The following ZC3H11A variants were observed in gnomAD, a reference collection of about 807,000 sequenced individuals.
The protein encoded by ZC3H11A is zinc finger CCCH domain-containing protein 11A.
A neutral mutation model predicts 90.8 loss-of-function variants in ZC3H11A; 22 were observed. That is an observed-to-expected ratio of 0.24 (90% CI 0.17 to 0.35). The LOEUF is 0.35. ZC3H11A is among the 10% of genes least tolerant of loss of function. The probability of loss-of-function intolerance (pLI) is 1.00; values close to 1 mark genes in which losing one functional copy is unlikely to be tolerated. For synonymous variants in ZC3H11A, 294 were observed against 339.8 expected (o/e 0.87, Z 1.48); for missense variants, 701 against 964.9 (o/e 0.73, Z 3.62).
intron 12 of ZC3H11A, among the ~76,000 whole-genome samples, chr1:203,843,830 A>G (rs1687143237): frequency 6.7e-6 from 1 of 148,234 alleles, no homozygotes; most frequent in South Asian, 2.2e-4. Context: ...TTGTTCTCTT[A>G]TTTTTTTTTC....
At position 203,801,875 on chromosome 1, in the gene ZC3H11A, A is replaced by G. The variant is rs1376081120; in HGVS notation, c.-1287A>G. 6.7e-6 allele frequency: 1 copy of G among 148,998 alleles called. No homozygotes were observed. Among genetic ancestry groups the G allele is most frequent in the Non-Finnish European group, 1.5e-5 (1 of 66,086 alleles). 9.2% of individuals were successfully genotyped at this position (148,998 alleles called of 1,614,324 possible). ...TATGCCATTGTGAAATGAAATCTCA[A>G]CTCCAAAAGTTTACCCTTTTACTAA... On this transcript the variant is annotated 5_prime_UTR_variant, in exon 2 of 18. Transcript: ENST00000367210.
intron 13 of ZC3H11A, 32 bp downstream of exon 13, chr1:203,847,719 T>G: frequency 6.3e-7 from 1 of 1,596,254 alleles, no homozygotes; most frequent in South Asian, 1.1e-5. Flanking sequence ...TAGTACCACG[T>G]CCCCACATAA....
chr1:203,818,815 G>A (rs1572069613), intron 4 of ZC3H11A, 126 bp downstream of exon 4: 1 of 1,423,852 alleles, frequency 7.0e-7, no homozygotes, highest in Non-Finnish European at 9.4e-7. Flanking sequence ...CATGCCTGTA[G>A]TTCCAGCACT....
chr1:203,816,674 C>CT (rs1467965221), intron 2 of ZC3H11A, among the ~76,000 whole-genome samples: 1 of 151,706 alleles, frequency 6.6e-6, no homozygotes, highest in Admixed American at 6.6e-5. Flanking sequence ...GTTAACAATG[C>CT]TTATTTACAA....
chr1:203,848,442 GCAAA>G (rs1558145610), intron 14 of ZC3H11A, 35 bp downstream of exon 14: 2 of 1,509,668 alleles, frequency 1.3e-6, no homozygotes, highest in East Asian at 2.3e-5. Flanking sequence ...TTTGTTCATG[GCAAA>G]CAAAGGCTAG....
chr1:203,829,209 G>C (rs1306599091), intron 5 of ZC3H11A: 3 of 554,758 alleles, frequency 5.4e-6, no homozygotes, highest in Middle Eastern at 4.6e-4. Context: ...GCTTCTTCTA[G>C]TCTTCTGTTG....
At chr1:203,842,424 C>T (rs1242497838) in intron 12 of ZC3H11A, among the ~76,000 whole-genome samples, 1 of 152,168 alleles carries the variant, frequency 6.6e-6, no homozygotes, top group Non-Finnish European at 1.5e-5. Context: ...CGGCGAAACC[C>T]CGTCTCCACC....
intron 8 of ZC3H11A, 24 bp downstream of exon 8, chr1:203,830,227 G>A: frequency 6.4e-7 from 1 of 1,556,192 alleles, no homozygotes; most frequent in Non-Finnish European, 8.7e-7. Flanking sequence ...TTTTGGCATG[G>A]ATAGTTGTAT....
At chr1:203,850,829 C>T (rs2103461198) in intron 16 of ZC3H11A, 148 bp downstream of exon 16, 2 of 1,249,122 alleles carry the variant, frequency 1.6e-6, no homozygotes, top group South Asian at 3.0e-5. Flanking sequence ...GTATTTTATA[C>T]TTACAGTTTG....
intron 17 of ZC3H11A, among the ~76,000 whole-genome samples, chr1:203,851,702 C>CA (rs77515958): frequency 0.06 from 9,135 of 152,020 alleles, 809 homozygotes; most frequent in East Asian, 0.4. Context: ...GCGGCTTATG[C>CA]CTGTAATCCC....
intron 1 of ZC3H11A, chr1:203,796,742 A>G (rs751004943): frequency 6.2e-6 from 2 of 323,102 alleles, no homozygotes; most frequent in African/African-American, 2.1e-5. Flanking sequence ...TCTCAAGTCT[A>G]AAAATATCTG....
rs968007472 is a variant in ZC3H11A at position 203,828,193 on chromosome 1, C to G, written c.175-106C>G. On this transcript the variant is annotated intron_variant, in intron 4 of 17. Transcript: ENST00000367210. ...TCTAAAAATCATCTCATCTCACATG[C>G]CTCGGATTTTTGAACCCTGTATGAA... is the stretch of plus-strand genomic sequence containing the variant. 3.0e-6 allele frequency: 4 copies of G among 1,331,696 alleles called. No individual in the cohort carries two copies. In the African/African-American group the frequency reaches 5.9e-5, roughly 20 times the overall value. The allele number at this position is 1,331,696 out of a possible 1,614,324, so 82.5% of individuals were successfully genotyped here.
intron 10 of ZC3H11A, among the ~76,000 whole-genome samples, chr1:203,837,479 G>A (rs930635614): frequency 3.3e-5 from 5 of 150,082 alleles, no homozygotes; most frequent in African/African-American, 1.2e-4. Context: ...TTGAGAATGG[G>A]GCCTTGCTGT....
chr1:203,852,699 C>T lies in ZC3H11A; in HGVS notation c.*300C>T, dbSNP rs367949787. The T allele has an allele frequency of 1.5e-3, 594 of 394,886 alleles. 1 individual carries two copies. The highest frequency in any genetic ancestry group is 2.1e-3 in the Non-Finnish European group (463 of 216,342). The allele number at this position is 394,886 out of a possible 1,614,324, so 24.5% of individuals were successfully genotyped here. ...GGGAGATCAAGTGAAAGGGTGCAAG[C>T]GAACTTAGTGACTCCTTGAGGTGTT... On this transcript the variant is annotated 3_prime_UTR_variant, in exon 18 of 18. Transcript: ENST00000367210.
chr1:203,843,157 TC>T (rs1686947765), intron 12 of ZC3H11A, among the ~76,000 whole-genome samples: 1 of 152,172 alleles, frequency 6.6e-6, no homozygotes, highest in African/African-American at 2.4e-5. Flanking sequence ...GTTTTATCTC[TC>T]CCTAGTATGC....
Position 203,833,868 on chromosome 1 carries a change from G to T in ZC3H11A, c.874+15G>T. ...ATTTTCAGCAGGTAAGATAAGTTTT[G>T]TGTATATCTTTTCTTTTCTACTTGT... On this transcript the variant is annotated intron_variant, in intron 10 of 17. Coordinates refer to ENST00000367210, the MANE Select transcript of ZC3H11A (RefSeq NM_001376342.1). 5.0e-6 allele frequency: 8 copies of T among 1,599,974 alleles called. No homozygotes were observed. Among genetic ancestry groups the T allele is most frequent in the Non-Finnish European group, 6.8e-6 (8 of 1,173,528 alleles).
At chr1:203,817,213 TTA>T in intron 3 of ZC3H11A, 89 bp downstream of exon 3, 27 of 1,122,152 alleles carry the variant, frequency 2.4e-5, no homozygotes, top group East Asian at 5.5e-5. Flanking sequence ...GTTGTTTTTA[TTA>T]TATATATATT....
chr1:203,847,059 C>T, intron 12 of ZC3H11A, 125 bp from the exon 13 acceptor site: 1 of 1,019,476 alleles, frequency 9.8e-7, no homozygotes, highest in Non-Finnish European at 1.5e-6. Flanking sequence ...CCCTTTTGAT[C>T]CTTTTAATTG....
intron 11 of ZC3H11A, among the ~76,000 whole-genome samples, chr1:203,838,788 TAA>T (rs1685153599): frequency 6.6e-6 from 1 of 151,726 alleles, no homozygotes; most frequent in Admixed American, 6.6e-5. Context: ...CCATCTTTAC[TAA>T]AAATACAAAA....
Sources: allele counts gnomAD v4.1 joint callset (sites outside exome capture counted in the v4.1 genomes callset), GRCh38; gene constraint gnomAD v4.1.1; transcripts MANE v1.5; gene names NCBI Gene and HGNC (gene_info 2026-07-23, HGNC 2026-07-21).